The following GPR107 variants were observed in gnomAD, a reference collection of about 807,000 sequenced individuals.
The protein encoded by GPR107 is G protein-coupled receptor 107.
Under a neutral mutation model 75.5 loss-of-function variants are expected in GPR107, and 31 were observed. The observed-to-expected ratio is 0.41, with a 90% CI of 0.31 to 0.55. The LOEUF (loss-of-function observed/expected upper bound fraction) is 0.55. Ranked by LOEUF, GPR107 falls within the 20% of genes least tolerant of loss-of-function variation. The pLI is 0.26. For synonymous variants in GPR107, 267 were observed against 251.3 expected (o/e 1.06, Z -0.59); for missense variants, 572 against 665.7 (o/e 0.86, Z 1.55).
At chr9:130,134,965 G>C (rs1259053279) in intron 17 of GPR107, 60 bp from the exon 18 acceptor site, 2 of 925,956 alleles carry the variant, frequency 2.2e-6, no homozygotes, top group Non-Finnish European at 3.5e-6. Flanking sequence ...CTGTGGCAGA[G>C]ATGGCCTTTT....
intron 1 of GPR107, among the ~76,000 whole-genome samples, chr9:130,067,034 C>A (rs1417614313): frequency 3.3e-5 from 5 of 151,430 alleles, no homozygotes; most frequent in Non-Finnish European, 7.4e-5. Flanking sequence ...CTTACTCAAG[C>A]TGACTTGGAT....
chr9:130,063,708 C>T lies in GPR107; in HGVS notation c.141+9635C>T, dbSNP rs549799819. Among the ~76,000 whole-genome samples the T allele has an allele frequency of 1.3e-3, 199 of 151,644 alleles. 1 individual carries two copies. Among genetic ancestry groups the T allele is most frequent in the African/African-American group, 4.5e-3 (185 of 41,350 alleles). The stretch of plus-strand genomic sequence containing the variant: ...TGCTGGGGTTTCTTAATAAAACAGC[C>T]CTGGGAAATTCCAGTGATTGCTTTG... On this transcript the variant is annotated intron_variant, in intron 1 of 17. Transcript: ENST00000347136.
At chr9:130,121,911 G>A (rs941661946) in intron 14 of GPR107, among the ~76,000 whole-genome samples, 17 of 149,940 alleles carry the variant, frequency 1.1e-4, no homozygotes, top group Non-Finnish European at 2.5e-4. Flanking sequence ...TTTTTTTTGA[G>A]GTGGAGTCTC....
chr9:130,092,188 TTG>T (rs1361973080), intron 8 of GPR107, 58 bp from the exon 9 acceptor site: 4 of 1,441,748 alleles, frequency 2.8e-6, no homozygotes, highest in Non-Finnish European at 3.9e-6. Flanking sequence ...AGATTCCAAA[TTG>T]CTGAATAAGG....
At chr9:130,105,875 G>GTC (rs1395442917) in intron 13 of GPR107, among the ~76,000 whole-genome samples, 4 of 151,642 alleles carry the variant, frequency 2.6e-5, no homozygotes, top group Non-Finnish European at 2.9e-5. Flanking sequence ...GCCCAGGCTG[G>GTC]TCTCAAACTC....
chr9:130,118,882 C>T (rs1831486116), intron 14 of GPR107, among the ~76,000 whole-genome samples: 1 of 152,236 alleles, frequency 6.6e-6, no homozygotes, highest in South Asian at 2.1e-4. Context: ...AGGGCAGGCA[C>T]ACCCAGCTGA....
chr9:130,115,594 A>C (rs1831404143), intron 14 of GPR107, among the ~76,000 whole-genome samples: 1 of 151,814 alleles, frequency 6.6e-6, no homozygotes, highest in Admixed American at 6.6e-5. Flanking sequence ...GCGAAACCCC[A>C]TCTCTACTAA....
At chr9:130,075,328 TCCACCTC>T (rs969876983) in intron 1 of GPR107, among the ~76,000 whole-genome samples, 1 of 130,406 alleles carries the variant, frequency 7.7e-6, no homozygotes, top group Non-Finnish European at 1.6e-5. Context: ...CACTGCAACC[TCCACCTC>T]CCAGGTTCAA....
chr9:130,096,674 G>A (rs1830881094), intron 9 of GPR107, among the ~76,000 whole-genome samples: 1 of 151,996 alleles, frequency 6.6e-6, no homozygotes, highest in African/African-American at 2.4e-5. Flanking sequence ...CACTACGTTG[G>A]CCAGGCTGGT....
intron 7 of GPR107, among the ~76,000 whole-genome samples, chr9:130,087,805 C>CAAAAAAAAAAAAAAAAAAAAA (rs35984705): frequency 8.0e-5 from 7 of 87,624 alleles, no homozygotes; most frequent in East Asian, 3.6e-4. Context: ...GACCCTGTCT[C>CAAAAAAAAAAAAAAAAAAAAA]AAAAAAAAAA....
chr9:130,060,499 A>G (rs150105308), intron 1 of GPR107, among the ~76,000 whole-genome samples: 177 of 146,486 alleles, frequency 1.2e-3, no homozygotes, highest in Non-Finnish European at 1.9e-3. Flanking sequence ...AGTGCACGAT[A>G]GCCTCCAACT....
At chr9:130,083,989 T>A (rs903919181) in intron 6 of GPR107, among the ~76,000 whole-genome samples, 1 of 150,480 alleles carries the variant, frequency 6.6e-6, no homozygotes, top group Admixed American at 6.7e-5. Context: ...TTAAAAAATA[T>A]TTTTGGTTGG....
rs1301583051 is a variant in GPR107 at position 130,076,470 on chromosome 9, T to C, written c.306+8T>C. ...GGCTTTTCTTCTTACCTGGTGAGTATTAAATGTGTGACCTGATTCATCTCT... is the reference window on the plus strand; with the variant it reads ...GGCTTTTCTTCTTACCTGGTGAGTACTAAATGTGTGACCTGATTCATCTCT... On this transcript the variant is annotated splice_region_variant and intron_variant, in intron 3 of 17. Transcript: ENST00000347136. 4 of 1,541,802 alleles carry C rather than the reference T, an allele frequency of 2.6e-6. No individual in the cohort carries two copies. The highest frequency in any genetic ancestry group is 2.2e-5 in the East Asian group (1 of 44,542).
intron 13 of GPR107, among the ~76,000 whole-genome samples, chr9:130,105,283 C>T (rs1389043870): frequency 2.0e-5 from 3 of 151,000 alleles, no homozygotes; most frequent in African/African-American, 2.4e-5. Flanking sequence ...GATGGAGTTT[C>T]GCTCTTGTTG....
At chr9:130,063,927 C>T (rs1829996039) in intron 1 of GPR107, among the ~76,000 whole-genome samples, 1 of 151,548 alleles carries the variant, frequency 6.6e-6, no homozygotes, top group South Asian at 2.1e-4. Context: ...GCCTCAGCCT[C>T]CCAAGTAGCT....
intron 14 of GPR107, among the ~76,000 whole-genome samples, chr9:130,115,085 A>G (rs1252262663): frequency 3.3e-5 from 5 of 152,198 alleles, no homozygotes; most frequent in Admixed American, 2.6e-4. Context: ...TCATGTTTAT[A>G]TATTTAATTC....
intron 1 of GPR107, among the ~76,000 whole-genome samples, chr9:130,069,272 T>C (rs1283673967): frequency 4.6e-5 from 7 of 152,198 alleles, no homozygotes; most frequent in Non-Finnish European, 1.0e-4. Flanking sequence ...AGTGTAGTAC[T>C]GGAGACAAGG....
chr9:130,114,051 A>ATTTTT (rs35152076), intron 14 of GPR107, among the ~76,000 whole-genome samples: 38 of 81,152 alleles, frequency 4.7e-4, no homozygotes, highest in African/African-American at 1.1e-3. Context: ...TTTTTTTTTC[A>ATTTTT]TTTTTTTTTT....
At chr9:130,076,331 A>G in intron 2 of GPR107, 81 bp from the exon 3 acceptor site, 1 of 857,294 alleles carries the variant, frequency 1.2e-6, no homozygotes, top group South Asian at 1.4e-5. Context: ...CGTTAGAAGT[A>G]CCACTTTTTC....
Sources: gnomAD v4.1 joint callset for allele counts (sites outside exome capture counted in the v4.1 genomes callset) on GRCh38, gnomAD v4.1.1 for gene constraint, MANE v1.5 for transcripts, NCBI Gene and HGNC (gene_info 2026-07-23, HGNC 2026-07-21) for gene names.